The following MEIOSIN variants were observed in gnomAD, a reference collection of about 807,000 sequenced individuals.
MEIOSIN encodes the protein meiosis initiator.
In MEIOSIN, 18 loss-of-function variants were observed where a neutral mutation model predicts 23.4. That is an observed-to-expected ratio of 0.77 (90% confidence interval 0.53 to 1.14). The LOEUF is 1.14. Ranked by LOEUF, MEIOSIN falls within the 50% of genes most tolerant of loss-of-function variation. The pLI, the probability that MEIOSIN is intolerant of heterozygous loss-of-function variation, is 0.00. For synonymous variants in MEIOSIN, 187 were observed against 100.6 expected, an observed-to-expected ratio of 1.86 and a Z score of -5.14; for missense variants, 428 against 242.9, an observed-to-expected ratio of 1.76 and a Z score of -5.07.
chr19:45,762,012 G>T lies in MEIOSIN; in HGVS notation c.1508G>T (p.Arg503Leu). ...EDEDTTWTPT[R>L]LASPLLAAEK... ...GAAGACACCACATGGACCCCCACCC[G>T]GCTGGCCTCACCCCTGCTGGCAGCT... The change falls in exon 13 of 15, where the codon CGG becomes CTG. Residue 503 changes from arginine to leucine, a missense_variant. Transcript: ENST00000457052. 1 of 508,324 alleles carries T rather than the reference G, an allele frequency of 2.0e-6. No homozygotes were observed. The highest frequency in any genetic ancestry group is 3.2e-5 in the South Asian group (1 of 30,870). 31.5% of individuals were successfully genotyped at this position (508,324 alleles called of 1,614,324 possible).
intron 3 of MEIOSIN, among the ~76,000 whole-genome samples, chr19:45,743,719 G>A (rs1303352022): frequency 2.0e-5 from 3 of 152,068 alleles, no homozygotes; most frequent in Non-Finnish European, 4.4e-5. Context: ...ACAGGGTTTC[G>A]CCATGTTGGC....
chr19:45,742,606 C>G (rs550863243), intron 3 of MEIOSIN, among the ~76,000 whole-genome samples: 1 of 151,918 alleles, frequency 6.6e-6, no homozygotes, highest in South Asian at 2.1e-4. Flanking sequence ...GATGAAACCC[C>G]GTCTCCACTA....
chr19:45,754,293 C>T (rs537882377), intron 6 of MEIOSIN, among the ~76,000 whole-genome samples, 186 bp from the exon 7 acceptor site: 1 of 152,090 alleles, frequency 6.6e-6, no homozygotes, highest in Non-Finnish European at 1.5e-5. Flanking sequence ...TTTTAAAGGT[C>T]GCAAGATGAT....
intron 2 of MEIOSIN, 59 bp from the exon 3 acceptor site, chr19:45,739,567 G>A (rs777565889): frequency 2.0e-5 from 14 of 700,832 alleles, no homozygotes; most frequent in Non-Finnish European, 3.1e-5. Context: ...GACTCTGATT[G>A]GCCAAACCTA....
intron 10 of MEIOSIN, among the ~76,000 whole-genome samples, 184 bp from the exon 11 acceptor site, chr19:45,759,229 CT>C (rs1207140512): frequency 2.1e-4 from 32 of 152,206 alleles, no homozygotes; most frequent in Admixed American, 1.6e-3. Flanking sequence ...AGGACTTGAG[CT>C]CACTCTGTGT....
At chr19:45,763,274 G>A in intron 13 of MEIOSIN, 64 bp from the exon 14 acceptor site, 1 of 398,456 alleles carries the variant, frequency 2.5e-6, no homozygotes, top group East Asian at 3.6e-5. Flanking sequence ...GCTAGGAAGG[G>A]TCTGAGTTCT....
chr19:45,739,686 T>G lies in MEIOSIN; in HGVS notation c.132T>G (p.His44Gln). 1 of 703,436 alleles carries G rather than the reference T, an allele frequency of 1.4e-6. No homozygotes were observed. The highest frequency in any genetic ancestry group is 1.5e-5 in the South Asian group (1 of 67,600). 43.6% of individuals were successfully genotyped at this position (703,436 alleles called of 1,614,324 possible). A position where few individuals can be genotyped will look rare whatever the true frequency, so the allele number is the denominator to read the frequency against. Reference protein sequence around the residue: ...GEDKVNPSEPHGLRMEEKWLL... With the variant: ...GEDKVNPSEPQGLRMEEKWLL... The stretch of plus-strand genomic sequence containing the variant: ...ATAAGGTCAACCCCTCCGAACCACA[T>G]GGACTGAGAATGGAGGAGAAATGGT... The change falls in exon 3 of 15, where the codon CAT becomes CAG. Residue 44 changes from histidine (H) to glutamine (Q), a missense_variant. His to Gln is a conservative substitution (Grantham distance 24). Transcript: ENST00000457052.
At chr19:45,743,465 AC>A (rs890138163) in intron 3 of MEIOSIN, among the ~76,000 whole-genome samples, 194 of 151,648 alleles carry the variant, frequency 1.3e-3, no homozygotes, top group African/African-American at 3.9e-3. Flanking sequence ...GAACCCCAAC[AC>A]CCCCTTGGCT....
At chr19:45,757,545 G>A (rs1365134064) in intron 9 of MEIOSIN, among the ~76,000 whole-genome samples, 1 of 152,152 alleles carries the variant, frequency 6.6e-6, no homozygotes, top group Non-Finnish European at 1.5e-5. Flanking sequence ...TTTTGAGATA[G>A]GGTTTCACTC....
chr19:45,754,554 C>T lies in MEIOSIN; in HGVS notation c.632C>T (p.Pro211Leu), dbSNP rs1167349120. The T allele has an allele frequency of 2.8e-6, 2 of 702,956 alleles. No individual in the cohort carries two copies. Among genetic ancestry groups the T allele is most frequent in the Non-Finnish European group, 5.2e-6 (2 of 385,034 alleles). 43.5% of individuals were successfully genotyped at this position (702,956 alleles called of 1,614,324 possible). A position where few individuals can be genotyped will look rare whatever the true frequency, so the allele number is the denominator to read the frequency against. The change falls in exon 7 of 15, where the codon CCA becomes CTA. Residue 211 changes from proline to leucine, a missense_variant. Pro to Leu is a moderately conservative substitution (Grantham distance 98). Transcript: ENST00000457052. ...NKPEKLVAPS[P>L]DQKGSGTGGT... ...CCTGAGAAGCTGGTGGCCCCATCCC[C>T]AGACCAGAAAGGAAGTGGCACAGGG...
chr19:45,753,509 A>T, intron 5 of MEIOSIN, 142 bp from the exon 6 acceptor site: 1 of 581,474 alleles, frequency 1.7e-6, no homozygotes, highest in Non-Finnish European at 3.1e-6. Flanking sequence ...GGCCTTGGAT[A>T]AGCCCTCAGT....
Position 45,733,877 on chromosome 19 carries a change from G to A in MEIOSIN, c.-1+211G>A, listed in dbSNP as rs894481709. On this transcript the variant is annotated intron_variant, in intron 1 of 14. Transcript: ENST00000457052. The surrounding 1 kb of genome is among the most constrained non-coding windows in gnomAD (Gnocchi z 5.7). ...TCGAGTTTGAGGAACGGAAGACTCTGTTTGTGTTGGGAATCCGGGCTCTCG... is the reference window on the plus strand; with the variant it reads ...TCGAGTTTGAGGAACGGAAGACTCTATTTGTGTTGGGAATCCGGGCTCTCG... Among the ~76,000 whole-genome samples, 9 of 152,144 alleles carry A rather than the reference G, an allele frequency of 5.9e-5. No homozygotes were observed. Among genetic ancestry groups the A allele is most frequent in the Admixed American group, 5.9e-4 (9 of 15,298 alleles).
intron 8 of MEIOSIN, among the ~76,000 whole-genome samples, 173 bp from the exon 9 acceptor site, chr19:45,757,004 C>T (rs942200138): frequency 2.0e-5 from 3 of 152,170 alleles, no homozygotes; most frequent in Admixed American, 6.5e-5. Context: ...GCACTGCTTA[C>T]GGGCTGGGCT....
intron 4 of MEIOSIN, among the ~76,000 whole-genome samples, chr19:45,746,909 C>A (rs1324304398): frequency 1.3e-5 from 2 of 152,020 alleles, no homozygotes; most frequent in South Asian, 2.1e-4. Context: ...TTCATAGGTT[C>A]TGGGGACTAG....
At chr19:45,761,536 T>C (rs900596315) in intron 11 of MEIOSIN, 143 bp from the exon 12 acceptor site, 4 of 507,942 alleles carry the variant, frequency 7.9e-6, no homozygotes, top group East Asian at 3.3e-5. Context: ...TCCCAGAGTG[T>C]TGGGGTTACA....
Position 45,762,044 on chromosome 19 carries a change from A to G in MEIOSIN, c.1540A>G (p.Lys514Glu). The change falls in exon 13 of 15, where the codon AAG becomes GAG. Residue 514 changes from lysine to glutamate, a missense_variant. Lys to Glu is a moderately conservative substitution (Grantham distance 56). Transcript: ENST00000457052. The stretch of plus-strand genomic sequence containing the variant: ...CTCACCCCTGCTGGCAGCTGAGAAA[A>G]AGGCCACGAAGGGCCAAGTAGCCAG... ...LASPLLAAEK[K>E]ATKGQVARAP... 2.1e-6 allele frequency: 1 copy of G among 484,222 alleles called. No homozygotes were observed. The highest frequency in any genetic ancestry group is 3.2e-5 in the East Asian group (1 of 31,146). 30.0% of individuals were successfully genotyped at this position (484,222 alleles called of 1,614,324 possible). A position where few individuals can be genotyped will look rare whatever the true frequency, so the allele number is the denominator to read the frequency against.
chr19:45,739,318 T>C (rs1307751583), intron 2 of MEIOSIN, among the ~76,000 whole-genome samples: 1 of 151,988 alleles, frequency 6.6e-6, no homozygotes, highest in Non-Finnish European at 1.5e-5. Flanking sequence ...GCCTGGCTAA[T>C]TTTCTCATAG....
chr19:45,763,733 AAT>A (rs1968996464), intron 14 of MEIOSIN, among the ~76,000 whole-genome samples: 2 of 151,916 alleles, frequency 1.3e-5, no homozygotes, highest in Non-Finnish European at 2.9e-5. Context: ...GACTCCCCCG[AAT>A]CCTGTCCCCT....
At chr19:45,745,457 CG>C (rs1968576569) in intron 4 of MEIOSIN, 136 bp downstream of exon 4, 1 of 579,346 alleles carries the variant, frequency 1.7e-6, no homozygotes, top group African/African-American at 1.9e-5. Flanking sequence ...CTACTCTGAA[CG>C]GGAATTTCCG....
Sources: gnomAD v4.1 joint callset for allele counts (sites outside exome capture counted in the v4.1 genomes callset) on GRCh38, gnomAD v4.1.1 for gene constraint, Gnocchi (gnomAD v3.1) non-coding constraint, MANE v1.5 for transcripts, NCBI Gene and HGNC (gene_info 2026-07-23, HGNC 2026-07-21) for gene names.